Variants in SH3KBP1 observed in about 807,000 individuals in gnomAD.
SH3KBP1 encodes the protein SH3 domain containing kinase binding protein 1.
In SH3KBP1, 8 loss-of-function variants were observed where a neutral mutation model predicts 50.1. The observed-to-expected ratio is 0.16, with a 90% CI of 0.09 to 0.29. SH3KBP1 has a LOEUF of 0.29. Ranked by LOEUF, SH3KBP1 falls within the 10% of genes least tolerant of loss-of-function variation. The pLI is 1.00. For missense variants in SH3KBP1, 377 were observed against 535.2 expected (o/e 0.70, Z 2.92); for synonymous variants, 227 against 218.6 (o/e 1.04, Z -0.34).
At chrX:19,878,507 A>T (rs58837752) in intron 1 of SH3KBP1, among the ~76,000 whole-genome samples, 905 of 67,963 alleles carry the variant, frequency 0.013, 13 homozygotes, top group African/African-American at 0.11. Context: ...TGTGTGTGTG[A>T]GAGAGAGAGA....
intron 13 of SH3KBP1, among the ~76,000 whole-genome samples, chrX:19,552,188 T>G (rs2065261193): frequency 8.9e-6 from 1 of 112,454 alleles, no homozygotes; most frequent in Non-Finnish European, 1.9e-5. Flanking sequence ...TCAATCCCAT[T>G]TGTTGGATAG....
intron 2 of SH3KBP1, among the ~76,000 whole-genome samples, chrX:19,810,232 A>G (rs765646816): frequency 8.9e-6 from 1 of 112,487 alleles, no homozygotes; most frequent in East Asian, 2.8e-4. Context: ...ATTTGCATAC[A>G]TTCTCATTAG....
chrX:19,666,882 A>T (rs2062612720), intron 6 of SH3KBP1, among the ~76,000 whole-genome samples: 1 of 112,431 alleles, frequency 8.9e-6, no homozygotes, highest in Non-Finnish European at 1.9e-5. Flanking sequence ...GGACTCAAAC[A>T]AGTATTGGTA....
intron 3 of SH3KBP1, among the ~76,000 whole-genome samples, chrX:19,727,014 AAC>A (rs1468453605): frequency 2.7e-5 from 3 of 112,535 alleles, no homozygotes; most frequent in Non-Finnish European, 5.6e-5. Flanking sequence ...CTTCTCAAGA[AAC>A]ACACACAATG....
chrX:19,833,128 C>T (rs2067951438), intron 2 of SH3KBP1, among the ~76,000 whole-genome samples: 2 of 111,596 alleles, frequency 1.8e-5, no homozygotes. Flanking sequence ...CCAGGCTCCT[C>T]CTCTCTCTTT....
chrX:19,757,863 C>T (rs1025754321), intron 2 of SH3KBP1, among the ~76,000 whole-genome samples: 79 of 111,511 alleles, frequency 7.1e-4, no homozygotes, highest in African/African-American at 2.3e-3. Flanking sequence ...ATAATTTCCA[C>T]TACTGATTTT....
intron 3 of SH3KBP1, among the ~76,000 whole-genome samples, chrX:19,731,657 T>C (rs949350982): frequency 8.9e-6 from 1 of 112,072 alleles, no homozygotes; most frequent in African/African-American, 3.2e-5. Flanking sequence ...CCCTTAACCA[T>C]GTAACTTAAT....
chrX:19,573,347 C>T (rs1303409018), intron 12 of SH3KBP1, among the ~76,000 whole-genome samples: 1 of 111,436 alleles, frequency 9.0e-6, no homozygotes, highest in African/African-American at 3.3e-5. Flanking sequence ...AGTGCAGTGG[C>T]GTAATCTTGG....
At chrX:19,567,662 T>C (rs2065892855) in intron 13 of SH3KBP1, among the ~76,000 whole-genome samples, 1 of 102,559 alleles carries the variant, frequency 9.8e-6, no homozygotes, top group Non-Finnish European at 2.0e-5. Flanking sequence ...AATATCTTAG[T>C]CATGACAGTG....
At chrX:19,602,209 T>G (rs1269041202) in intron 9 of SH3KBP1, among the ~76,000 whole-genome samples, 8 of 110,956 alleles carry the variant, frequency 7.2e-5, no homozygotes, top group African/African-American at 2.6e-4. Flanking sequence ...CCTTCCACTC[T>G]TCCTCCTCTT....
intron 2 of SH3KBP1, among the ~76,000 whole-genome samples, chrX:19,766,582 G>A (rs550849979): frequency 2.4e-5 from 2 of 83,880 alleles, no homozygotes; most frequent in Admixed American, 3.4e-4. Flanking sequence ...TCGGCTCACC[G>A]CAAGCTCCGC....
intron 16 of SH3KBP1, among the ~76,000 whole-genome samples, chrX:19,540,403 G>GA (rs1237312575): frequency 9.0e-6 from 1 of 110,537 alleles, no homozygotes; most frequent in Non-Finnish European, 1.9e-5. Flanking sequence ...GGATGCTCTG[G>GA]AAAAAAAAGG....
intron 2 of SH3KBP1, among the ~76,000 whole-genome samples, chrX:19,749,482 C>T (rs762532713): frequency 6.2e-5 from 7 of 112,592 alleles, no homozygotes; most frequent in Non-Finnish European, 1.1e-4. Flanking sequence ...TATACAGCCT[C>T]GAAAAGGAAT....
intron 1 of SH3KBP1, among the ~76,000 whole-genome samples, chrX:19,856,946 C>A (rs1452901926): frequency 3.1e-5 from 2 of 64,750 alleles, no homozygotes; most frequent in African/African-American, 1.2e-4. Flanking sequence ...AGAGCTAATA[C>A]TAGTCTTTTT....
At chrX:19,614,466 C>CT (rs1397724887) in intron 8 of SH3KBP1, among the ~76,000 whole-genome samples, 2 of 112,098 alleles carry the variant, frequency 1.8e-5, no homozygotes, top group African/African-American at 6.5e-5. Context: ...AAGCCATGTA[C>CT]TAGATGAGTG....
chrX:19,868,444 T>G (rs1370615339), intron 1 of SH3KBP1, among the ~76,000 whole-genome samples: 2 of 109,685 alleles, frequency 1.8e-5, no homozygotes, highest in Non-Finnish European at 3.8e-5. Context: ...GAAAACAAAG[T>G]CCTCTCTTCA....
chrX:19,592,241 T>C, intron 10 of SH3KBP1, 94 bp from the exon 11 acceptor site: 1 of 750,361 alleles, frequency 1.3e-6, no homozygotes, highest in South Asian at 2.4e-5. Flanking sequence ...TAGAGCAAAG[T>C]CAGTAAGATT....
Position 19,569,186 on chromosome X carries a change from C to T in SH3KBP1, c.1301G>A (p.Gly434Asp). Residue 434 changes from glycine (G) to aspartate (D), a missense_variant and splice_region_variant, in exon 13 of 18, where the codon GGT becomes GAT. Physicochemically the swap from Gly to Asp is moderately conservative, Grantham distance 94. Coordinates refer to ENST00000397821, the MANE Select transcript of SH3KBP1 (RefSeq NM_031892.3). ...RPVGPLTHTR[G>D]DSPKIDLAGS... ...GGCCAAGTCAATCTTTGGACTGTCA[C>T]CCCTACATTAAAAACACAAGCCCAG... 1 of 1,204,088 alleles carries T rather than the reference C, an allele frequency of 8.3e-7. No individual in the cohort carries two copies. The highest frequency in any genetic ancestry group is 1.8e-5 in the South Asian group (1 of 56,830).
chrX:19,846,005 T>C (rs774074125), intron 1 of SH3KBP1, among the ~76,000 whole-genome samples: 10 of 112,172 alleles, frequency 8.9e-5, no homozygotes, highest in African/African-American at 1.6e-4. Context: ...AAACACATTT[T>C]TTAAATGGAC....
Sources: allele counts gnomAD v4.1 joint callset (sites outside exome capture counted in the v4.1 genomes callset), GRCh38; gene constraint gnomAD v4.1.1; transcripts MANE v1.5; gene names NCBI Gene and HGNC (gene_info 2026-07-23, HGNC 2026-07-21).